THEMIS: variants seen among roughly 807,000 people sequenced by gnomAD.
THEMIS encodes the protein thymocyte selection associated.
In THEMIS, 37 loss-of-function variants were observed where a neutral mutation model predicts 52.6. That is an observed-to-expected ratio of 0.70 (90% CI 0.54 to 0.93). The LOEUF (loss-of-function observed/expected upper bound fraction) is 0.93. Among genes scored for constraint, THEMIS ranks in the 40% least tolerant of loss-of-function variants. The pLI is 0.00. For missense variants in THEMIS, 808 were observed against 763.1 expected (o/e 1.06, Z -0.69); for synonymous variants, 292 against 272.7 (o/e 1.07, Z -0.70).
chr6:127,759,560 C>T (rs1224482415), intron 4 of THEMIS, among the ~76,000 whole-genome samples: 1 of 152,138 alleles, frequency 6.6e-6, no homozygotes, highest in Non-Finnish European at 1.5e-5. Flanking sequence ...CCCAGCTGCA[C>T]ATGTTAATAA....
At chr6:127,704,207 G>A (rs1030997908), downstream of THEMIS, among the ~76,000 whole-genome samples, 1 of 152,152 alleles carries the variant, frequency 6.6e-6, no homozygotes, top group Non-Finnish European at 1.5e-5. Flanking sequence ...ATTTAGTAAG[G>A]CTTTTGGGGT....
At chr6:127,840,334 T>C (rs747773430) in intron 2 of THEMIS, among the ~76,000 whole-genome samples, 1 of 151,948 alleles carries the variant, frequency 6.6e-6, no homozygotes, top group Non-Finnish European at 1.5e-5. Flanking sequence ...ACCTAGAAAA[T>C]AAAAATTATG....
chr6:127,795,635 T>C (rs540326824), intron 4 of THEMIS, among the ~76,000 whole-genome samples: 1 of 151,946 alleles, frequency 6.6e-6, no homozygotes, highest in Non-Finnish European at 1.5e-5. Context: ...GCCACCAGAC[T>C]TTTTTTAGAA....
intron 1 of THEMIS, among the ~76,000 whole-genome samples, chr6:127,879,949 A>T (rs1780429417): frequency 1.3e-5 from 2 of 151,310 alleles, no homozygotes; most frequent in African/African-American, 2.4e-5. Flanking sequence ...CCCTGCCCAG[A>T]CTCCTCCCCC....
chr6:127,813,454 G>A lies in THEMIS; in HGVS notation c.1187C>T (p.Thr396Met), dbSNP rs1403938167. The change falls in exon 4 of 6, where the codon ACG (threonine) becomes ATG (methionine). Residue 396 changes from threonine (T) to methionine (M), a missense_variant. Physicochemically the swap from Thr to Met is moderately conservative, Grantham distance 81. Coordinates refer to ENST00000368248, the MANE Select transcript of THEMIS (RefSeq NM_001010923.3). ...TATTCCCTCACAGAGGACTTCAGTC[G>A]TCTCTGACTGATGCACCAGAAACTG... ...GDQFLVHQSE[T>M]TEVLCEGIKK... 4 of 1,613,932 alleles carry A rather than the reference G, an allele frequency of 2.5e-6. No individual in the cohort carries two copies. Among genetic ancestry groups the A allele is most frequent in the Non-Finnish European group, 3.4e-6 (4 of 1,179,972 alleles).
intron 4 of THEMIS, among the ~76,000 whole-genome samples, chr6:127,791,303 C>A (rs988794377): frequency 3.3e-5 from 5 of 152,158 alleles, no homozygotes; most frequent in African/African-American, 1.2e-4. Flanking sequence ...CAGCTGTCAG[C>A]AGAAAGGAGA....
chr6:127,751,011 G>A (rs1775623755), intron 4 of THEMIS, among the ~76,000 whole-genome samples: 1 of 151,692 alleles, frequency 6.6e-6, no homozygotes, highest in Admixed American at 6.6e-5. Flanking sequence ...TTAGCAACAT[G>A]AAAATATGAC....
intron 4 of THEMIS, among the ~76,000 whole-genome samples, chr6:127,760,297 T>C (rs1025208027): frequency 7.9e-5 from 12 of 152,178 alleles, no homozygotes; most frequent in African/African-American, 2.9e-4. Flanking sequence ...ATTTGTAATA[T>C]ATTTTGAAAT....
At chr6:127,763,744 AT>A (rs1031661580) in intron 4 of THEMIS, among the ~76,000 whole-genome samples, 1 of 151,996 alleles carries the variant, frequency 6.6e-6, no homozygotes, top group Non-Finnish European at 1.5e-5. Flanking sequence ...TAAGTACTAG[AT>A]TTTTAAAATG....
chr6:127,714,025 G>GA (rs967947287), intron 5 of THEMIS, among the ~76,000 whole-genome samples: 114 of 150,186 alleles, frequency 7.6e-4, no homozygotes, highest in African/African-American at 2.2e-3. Flanking sequence ...AGTAGCCATG[G>GA]AAAAAAAAAT....
At position 127,861,950 on chromosome 6, in the gene THEMIS, A is replaced by T. The variant is rs975556728; in HGVS notation, c.92-6762T>A. On this transcript the variant is annotated intron_variant, in intron 1 of 5. Transcript: ENST00000368248. The stretch of plus-strand genomic sequence containing the variant: ...AATTTTATTTTTATAACTCATTTTT[A>T]TTGTATTTTATCAAAGTACTAATTC... 5.1e-4 allele frequency among the ~76,000 whole-genome samples: 77 copies of T among 152,146 alleles called. 2 individuals are homozygous for T. The highest frequency in any genetic ancestry group is 4.6e-3 in the Admixed American group (70 of 15,284).
chr6:127,698,557 T>C, the THEMIS span, among the ~76,000 whole-genome samples: 58 of 152,186 alleles, frequency 3.8e-4, no homozygotes, highest in African/African-American at 1.2e-3. Flanking sequence ...CTGTGAGTTT[T>C]CTCCTCCTGT....
chr6:127,820,443 A>G (rs963723471), intron 3 of THEMIS, among the ~76,000 whole-genome samples: 7 of 152,114 alleles, frequency 4.6e-5, no homozygotes, highest in Non-Finnish European at 8.8e-5. Context: ...GCATCTCAGG[A>G]TTTTAAATGA....
upstream of THEMIS, among the ~76,000 whole-genome samples, chr6:127,902,804 A>G (rs1265853926): frequency 6.6e-6 from 1 of 152,094 alleles, no homozygotes; most frequent in Non-Finnish European, 1.5e-5. Context: ...GGATGAATAC[A>G]TGAAAGAGGC....
At chr6:127,703,293 C>T (rs188882541), downstream of THEMIS, among the ~76,000 whole-genome samples, 686 of 152,074 alleles carry the variant, frequency 4.5e-3, 4 homozygotes, top group African/African-American at 0.015. Context: ...GTGATCCGCC[C>T]GCCTTGGCCT....
chr6:127,868,981 T>C (rs972889627), intron 1 of THEMIS, among the ~76,000 whole-genome samples: 2 of 152,174 alleles, frequency 1.3e-5, no homozygotes, highest in African/African-American at 4.8e-5. Flanking sequence ...AATTTTAATG[T>C]GTTAGAAGAA....
the THEMIS span, among the ~76,000 whole-genome samples, chr6:127,702,616 GTT>G: frequency 0.32 from 45,588 of 140,738 alleles, 8,471 homozygotes; most frequent in Non-Finnish European, 0.45. Context: ...TGTCTAACCT[GTT>G]TTTTTTTTTT....
chr6:127,802,526 T>C lies in THEMIS; in HGVS notation c.1758+10357A>G, dbSNP rs950660684. ...ATCTGATGTGTGTAGAGCTCTGGCA[T>C]TGGCTAATTAATCACAGTGTTCCTA... is the stretch of plus-strand genomic sequence containing the variant. On this transcript the variant is annotated intron_variant, in intron 4 of 5. Transcript: ENST00000368248. Among the ~76,000 whole-genome samples the C allele has an allele frequency of 9.3e-5, 14 of 151,238 alleles. No individual in the cohort carries two copies. The East Asian group carries it at 1.4e-3, about 15-fold the overall frequency.
At chr6:127,722,647 C>T (rs1266309348) in intron 4 of THEMIS, among the ~76,000 whole-genome samples, 2 of 152,000 alleles carry the variant, frequency 1.3e-5, no homozygotes, top group African/African-American at 4.8e-5. Flanking sequence ...GCTTATTCTT[C>T]CTCATCCCTG....
Sources: gnomAD v4.1 joint callset for allele counts (sites outside exome capture counted in the v4.1 genomes callset) on GRCh38, gnomAD v4.1.1 for gene constraint, MANE v1.5 for transcripts, NCBI Gene and HGNC (gene_info 2026-07-23, HGNC 2026-07-21) for gene names.